CDK5RAP2: variants seen among roughly 807,000 people sequenced by gnomAD.
CDK5RAP2 encodes CDK5 regulatory subunit associated protein 2, also known as CDK5 regulatory subunit-associated protein 2.
CDK5RAP2 carries 147 observed loss-of-function variants against 232.9 expected under a neutral mutation model. That is an observed-to-expected ratio of 0.63 (90% CI 0.55 to 0.72). The LOEUF (loss-of-function observed/expected upper bound fraction) is 0.72. CDK5RAP2 is among the 30% of genes least tolerant of loss of function. The pLI, the probability that CDK5RAP2 is intolerant of heterozygous loss-of-function variation, is 0.00. For synonymous variants in CDK5RAP2, 833 were observed against 833.7 expected (o/e 1.00, Z 0.01); for missense variants, 2,195 against 2,231.5 (o/e 0.98, Z 0.33).
At chr9:120,507,685 A>C (rs908872029) in intron 12 of CDK5RAP2, among the ~76,000 whole-genome samples, 1 of 151,796 alleles carries the variant, frequency 6.6e-6, no homozygotes, top group Non-Finnish European at 1.5e-5. Context: ...CTTCTGAACA[A>C]AGGGTTTACA....
At chr9:120,436,929 C>CA (rs201616716) in intron 25 of CDK5RAP2, among the ~76,000 whole-genome samples, 2,496 of 150,406 alleles carry the variant, frequency 0.017, 68 homozygotes, top group African/African-American at 0.057. Context: ...TGAGTTTTCA[C>CA]AAAAAAAAAT....
intron 3 of CDK5RAP2, among the ~76,000 whole-genome samples, chr9:120,557,517 AG>A (rs1473993962): frequency 6.6e-6 from 1 of 152,154 alleles, no homozygotes; most frequent in Non-Finnish European, 1.5e-5. Context: ...ACACTTTGGT[AG>A]GCAGAGCCAG....
At chr9:120,458,232 T>C (rs947371806) in intron 20 of CDK5RAP2, among the ~76,000 whole-genome samples, 4 of 152,150 alleles carry the variant, frequency 2.6e-5, no homozygotes, top group African/African-American at 9.7e-5. Flanking sequence ...TTTCTCCTCT[T>C]TATAATGGGC....
chr9:120,449,131 G>A (rs917476754), intron 21 of CDK5RAP2, among the ~76,000 whole-genome samples: 1 of 152,112 alleles, frequency 6.6e-6, no homozygotes, highest in African/African-American at 2.4e-5. Context: ...ACTTCACCCT[G>A]CTCTTCAGCA....
At chr9:120,408,960 A>T (rs1199394508) in intron 30 of CDK5RAP2, among the ~76,000 whole-genome samples, 167 bp downstream of exon 30, 1 of 152,232 alleles carries the variant, frequency 6.6e-6, no homozygotes, top group Non-Finnish European at 1.5e-5. Flanking sequence ...TCCTCCTTAC[A>T]GGATCTTTCT....
chr9:120,438,914 C>A (rs1195798219), intron 24 of CDK5RAP2, among the ~76,000 whole-genome samples: 2 of 152,150 alleles, frequency 1.3e-5, no homozygotes, highest in African/African-American at 4.8e-5. Context: ...CCTAAGAATT[C>A]TTCTCTTTCA....
intron 1 of CDK5RAP2, among the ~76,000 whole-genome samples, chr9:120,579,177 CCT>C (rs1377634754): frequency 7.9e-5 from 12 of 152,202 alleles, no homozygotes; most frequent in Non-Finnish European, 1.5e-4. Flanking sequence ...GCCATTATTC[CCT>C]GATTCATATC....
Position 120,408,378 on chromosome 9 carries a change from C to T in CDK5RAP2, c.4695G>A (p.Glu1565=). 6.2e-7 allele frequency: 1 copy of T among 1,614,170 alleles called. No individual in the cohort carries two copies. The highest frequency in any genetic ancestry group is 8.5e-7 in the Non-Finnish European group (1 of 1,180,030). ...GTCTCCTGTGCTCTTCATCCAGCTT[C>T]TCATACGCCTTCAGCTCCACTCGGA... ...QSLRVELKAY[E]KLDEEHRRLR... The change falls in exon 31 of 38, where the codon GAG becomes GAA. Residue 1565 remains glutamate, a synonymous_variant. Coordinates refer to ENST00000349780, the MANE Select transcript of CDK5RAP2 (RefSeq NM_018249.6).
At chr9:120,555,447 A>C (rs980890479) in intron 3 of CDK5RAP2, among the ~76,000 whole-genome samples, 2 of 151,988 alleles carry the variant, frequency 1.3e-5, no homozygotes, top group African/African-American at 4.8e-5. Flanking sequence ...CCGGCAGATC[A>C]CTTCTCTGTG....
chr9:120,443,887 C>A, intron 22 of CDK5RAP2, 145 bp from the exon 23 acceptor site: 2 of 1,027,920 alleles, frequency 1.9e-6, no homozygotes, highest in Non-Finnish European at 2.9e-6. Context: ...TAAAATTAAT[C>A]TATCGAGCTG....
At chr9:120,476,454 T>C (rs1388271012) in intron 15 of CDK5RAP2, among the ~76,000 whole-genome samples, 1 of 151,470 alleles carries the variant, frequency 6.6e-6, no homozygotes, top group African/African-American at 2.4e-5. Context: ...CGGAGGTGGG[T>C]GGATCCTGAG....
chr9:120,409,322 A>G lies in CDK5RAP2; in HGVS notation c.4415-6T>C, dbSNP rs1419632255. On this transcript the variant is annotated splice_region_variant and splice_polypyrimidine_tract_variant and intron_variant, in intron 29 of 37. Transcript: ENST00000349780. ...GTCATTCTCCTTCTGTTTATCTGCA[A>G]ACATAAAAAGGTGCCACTGAGAAGG... 4.6e-5 allele frequency: 72 copies of G among 1,575,826 alleles called. No individual in the cohort carries two copies. The highest frequency in any genetic ancestry group is 6.0e-5 in the Non-Finnish European group (70 of 1,160,440).
chr9:120,564,775 T>C (rs937287710), intron 3 of CDK5RAP2, among the ~76,000 whole-genome samples: 1 of 152,218 alleles, frequency 6.6e-6, no homozygotes. Flanking sequence ...AGATAGCTAC[T>C]TGGACAGCAT....
intron 14 of CDK5RAP2, among the ~76,000 whole-genome samples, chr9:120,484,981 C>T (rs1250232840): frequency 6.6e-6 from 1 of 152,028 alleles, no homozygotes; most frequent in East Asian, 1.9e-4. Context: ...GTCTCAGCCT[C>T]CCACAATGCT....
intron 7 of CDK5RAP2, among the ~76,000 whole-genome samples, chr9:120,532,928 G>A (rs2041219246): frequency 6.6e-6 from 1 of 152,072 alleles, no homozygotes; most frequent in Admixed American, 6.5e-5. Context: ...TCCAAAAAAA[G>A]ATGAGCAATT....
intron 8 of CDK5RAP2, among the ~76,000 whole-genome samples, chr9:120,529,447 G>A (rs1423653671): frequency 6.6e-6 from 1 of 152,196 alleles, no homozygotes; most frequent in Non-Finnish European, 1.5e-5. Context: ...CAATTCCTCT[G>A]AGCCTGAGCC....
intron 20 of CDK5RAP2, among the ~76,000 whole-genome samples, chr9:120,456,836 A>G (rs182061707): frequency 1.5e-4 from 23 of 152,344 alleles, no homozygotes; most frequent in Admixed American, 1.4e-3. Context: ...GTGGTGAAAG[A>G]GGCCATTATA....
intron 16 of CDK5RAP2, among the ~76,000 whole-genome samples, chr9:120,470,696 T>A (rs1040256294): frequency 1.3e-5 from 2 of 149,830 alleles, no homozygotes; most frequent in Non-Finnish European, 3.0e-5. Flanking sequence ...ACAAGCACAC[T>A]AAGTGCAGAA....
chr9:120,499,459 T>A (rs961819494), intron 12 of CDK5RAP2, among the ~76,000 whole-genome samples: 12 of 152,194 alleles, frequency 7.9e-5, no homozygotes, highest in African/African-American at 2.7e-4. Flanking sequence ...ATGATTTTTT[T>A]AATTGTGTTA....
Sources: gnomAD v4.1 joint callset for allele counts (sites outside exome capture counted in the v4.1 genomes callset) on GRCh38, gnomAD v4.1.1 for gene constraint, MANE v1.5 for transcripts, NCBI Gene and HGNC (gene_info 2026-07-23, HGNC 2026-07-21) for gene names.